Variants in NDFIP1 observed in about 807,000 individuals in gnomAD.
NDFIP1 encodes the protein Nedd4 family interacting protein 1, also known as NEDD4 family-interacting protein 1.
Under a neutral mutation model 28.8 loss-of-function variants are expected in NDFIP1, and 7 were observed. The observed-to-expected ratio is 0.24, with a 90% confidence interval of 0.14 to 0.46. The LOEUF is 0.46. Ranked by LOEUF, NDFIP1 falls within the 20% of genes least tolerant of loss-of-function variation. The pLI, the probability that NDFIP1 is intolerant of heterozygous loss-of-function variation, is 0.99. For missense variants in NDFIP1, 194 were observed against 269.1 expected (o/e 0.72, Z 1.95); for synonymous variants, 92 against 101.0 (o/e 0.91, Z 0.53).
At chr5:142,142,940 A>AATATATATATATATATATATAT (rs1554092157) in intron 6 of NDFIP1, 5 of 38,134 alleles carry the variant, frequency 1.3e-4, no homozygotes, top group East Asian at 8.5e-4. Context: ...AAAAAAAAAA[A>AATATATATATATATATATATAT]ATATATATAT....
chr5:142,130,274 A>C (rs1277390395), intron 1 of NDFIP1, among the ~76,000 whole-genome samples: 3 of 152,180 alleles, frequency 2.0e-5, no homozygotes, highest in Admixed American at 2.0e-4. Flanking sequence ...TGTGTAGACT[A>C]TACAGACTAG....
At chr5:142,146,239 TTTGA>T (rs1207613122) in intron 7 of NDFIP1, among the ~76,000 whole-genome samples, 11 of 152,222 alleles carry the variant, frequency 7.2e-5, no homozygotes, top group African/African-American at 2.7e-4. Flanking sequence ...AACAGGAATC[TTTGA>T]TTGCATGTCT....
In NDFIP1 at chr5:142,137,828, C is replaced by T. The variant is rs1757291175; in HGVS notation, c.465C>T (p.Leu155=). Reference sequence around the variant, plus strand: ...ATGGGGCCATTTCAGGATTTGGTCTCTCTCTAATTAAATGGATCCTGATTG... The same window carrying T: ...ATGGGGCCATTTCAGGATTTGGTCTTTCTCTAATTAAATGGATCCTGATTG... ...GRYGAISGFG[L]SLIKWILIVR... The change falls in exon 5 of 8, where the codon CTC becomes CTT. Residue 155 remains leucine (L), a synonymous_variant. Transcript: ENST00000253814. 6.2e-7 allele frequency: 1 copy of T among 1,614,014 alleles called. No individual in the cohort carries two copies. Among genetic ancestry groups the T allele is most frequent in the Non-Finnish European group, 8.5e-7 (1 of 1,179,964 alleles).
chr5:142,121,417 A>G (rs1036431104), intron 1 of NDFIP1, among the ~76,000 whole-genome samples: 1 of 152,232 alleles, frequency 6.6e-6, no homozygotes, highest in African/African-American at 2.4e-5. Flanking sequence ...TTATGGATAC[A>G]TATGAAAGGA....
chr5:142,142,032 G>A (rs1757337443), intron 6 of NDFIP1, among the ~76,000 whole-genome samples: 2 of 152,110 alleles, frequency 1.3e-5, no homozygotes, highest in Non-Finnish European at 2.9e-5. Context: ...AGCTACTTGG[G>A]AGACTGAGCC....
At chr5:142,124,989 C>T (rs1757156832) in intron 1 of NDFIP1, among the ~76,000 whole-genome samples, 1 of 152,120 alleles carries the variant, frequency 6.6e-6, no homozygotes, top group Admixed American at 6.5e-5. Flanking sequence ...TCACGCCCAG[C>T]TAATTTTTTT....
At chr5:142,150,850 G>A (rs1373912776) in intron 7 of NDFIP1, among the ~76,000 whole-genome samples, 3 of 152,200 alleles carry the variant, frequency 2.0e-5, no homozygotes, top group Admixed American at 2.0e-4. Context: ...CTCACTTCTT[G>A]CTGAGTACCA....
At chr5:142,109,602 A>T (rs1246663886) in intron 1 of NDFIP1, among the ~76,000 whole-genome samples, 1 of 152,172 alleles carries the variant, frequency 6.6e-6, no homozygotes, top group Non-Finnish European at 1.5e-5. Flanking sequence ...GATTTGGAAG[A>T]GGCGATGTTT....
At chr5:142,139,136 C>T (rs1170080264) in intron 5 of NDFIP1, among the ~76,000 whole-genome samples, 8 of 151,242 alleles carry the variant, frequency 5.3e-5, no homozygotes, top group Non-Finnish European at 8.8e-5. Context: ...AGGAGAATGG[C>T]GTGAACCCAG....
At chr5:142,131,558 A>G (rs1027255018) in intron 1 of NDFIP1, among the ~76,000 whole-genome samples, 10 of 152,130 alleles carry the variant, frequency 6.6e-5, no homozygotes, top group South Asian at 4.1e-4. Context: ...TTTGTCTCCT[A>G]TGATTGGAAT....
At chr5:142,144,750 G>A (rs556930936) in intron 7 of NDFIP1, 74 bp downstream of exon 7, 1 of 963,604 alleles carries the variant, frequency 1.0e-6, no homozygotes, top group African/African-American at 1.7e-5. Context: ...CAGTTTTAGA[G>A]TAAGTATCTG....
At chr5:142,122,993 C>G (rs925863369) in intron 1 of NDFIP1, among the ~76,000 whole-genome samples, 1 of 152,110 alleles carries the variant, frequency 6.6e-6, no homozygotes, top group Non-Finnish European at 1.5e-5. Flanking sequence ...GGCAGAGTCT[C>G]GCTCTGTTGC....
rs772452771 is a variant in NDFIP1 at position 142,144,651 on chromosome 5, A to G, written c.643A>G (p.Thr215Ala). The G allele has an allele frequency of 6.2e-7, 1 of 1,610,324 alleles. No homozygotes were observed. Among genetic ancestry groups the G allele is most frequent in the South Asian group, 1.1e-5 (1 of 90,330 alleles). ...AGAAACTTTCTCAAATCTCCCCAGG[A>G]CCAGAGTTCTCTTTATTTATTAAAG... The part of the protein sequence containing the change: ...MPETFSNLPR[T>A]RVLFIY The change falls in exon 7 of 8, where the codon ACC becomes GCC. Residue 215 changes from threonine (T) to alanine (A), a missense_variant. Physicochemically the swap from Thr to Ala is moderately conservative, Grantham distance 58. Coordinates refer to ENST00000253814, the MANE Select transcript of NDFIP1 (RefSeq NM_030571.4).
intron 3 of NDFIP1, among the ~76,000 whole-genome samples, chr5:142,132,554 C>T (rs1267305411): frequency 6.6e-6 from 1 of 152,184 alleles, no homozygotes; most frequent in Admixed American, 6.5e-5. Context: ...ATTTTTCCTT[C>T]ATCTCTCCTA....
intron 7 of NDFIP1, 22 bp downstream of exon 7, chr5:142,144,698 C>T (rs376031703): frequency 2.1e-6 from 3 of 1,437,366 alleles, no homozygotes; most frequent in Admixed American, 1.8e-5. Context: ...AAAATTTATT[C>T]TAGTCCCAGT....
chr5:142,143,701 A>G (rs1429979009), intron 6 of NDFIP1: 1 of 152,142 alleles, frequency 6.6e-6, no homozygotes, highest in Non-Finnish European at 1.5e-5. Flanking sequence ...AAAGAGTCTT[A>G]CTAAGAATAG....
chr5:142,140,938 A>G (rs62381978), intron 6 of NDFIP1, among the ~76,000 whole-genome samples: 43,746 of 151,880 alleles, frequency 0.29, 7,236 homozygotes, highest in Non-Finnish European at 0.37. Flanking sequence ...CTTGTGAGCT[A>G]TTGCCACACA....
intron 1 of NDFIP1, among the ~76,000 whole-genome samples, chr5:142,119,435 T>C (rs555528160): frequency 3.5e-4 from 53 of 152,254 alleles, no homozygotes; most frequent in Non-Finnish European, 6.6e-4. Context: ...TCAGCACCTT[T>C]TCCTCCACCC....
intron 1 of NDFIP1, among the ~76,000 whole-genome samples, chr5:142,128,266 C>T (rs781726648): frequency 7.2e-5 from 11 of 152,134 alleles, no homozygotes; most frequent in Non-Finnish European, 1.0e-4. Context: ...GTGACAATGC[C>T]GCGTATTCTT....
Sources: gnomAD v4.1 joint callset for allele counts (sites outside exome capture counted in the v4.1 genomes callset) on GRCh38, gnomAD v4.1.1 for gene constraint, MANE v1.5 for transcripts, NCBI Gene and HGNC (gene_info 2026-07-23, HGNC 2026-07-21) for gene names.